The following IL1RAPL2 variants were observed in gnomAD, a reference collection of about 807,000 sequenced individuals.
IL1RAPL2 encodes the protein X-linked interleukin-1 receptor accessory protein-like 2.
Under a neutral mutation model 44.1 loss-of-function variants are expected in IL1RAPL2, and 3 were observed. That is an observed-to-expected ratio of 0.07 (90% CI 0.03 to 0.18). The LOEUF (loss-of-function observed/expected upper bound fraction) is 0.18. Ranked by LOEUF, IL1RAPL2 falls within the 10% of genes least tolerant of loss-of-function variation. The pLI, the probability that IL1RAPL2 is intolerant of heterozygous loss-of-function variation, is 1.00. For missense variants in IL1RAPL2, 391 were observed against 496.4 expected (o/e 0.79, Z 2.02); for synonymous variants, 181 against 178.8 (o/e 1.01, Z -0.10).
chrX:105,052,915 T>A (rs1344328700), intron 2 of IL1RAPL2, among the ~76,000 whole-genome samples: 1 of 110,769 alleles, frequency 9.0e-6, no homozygotes, highest in Non-Finnish European at 1.9e-5. Context: ...GTTGTTCCCC[T>A]CTCTGTGTCC....
chrX:105,109,823 G>C (rs1361224523), intron 2 of IL1RAPL2, among the ~76,000 whole-genome samples: 1 of 112,309 alleles, frequency 8.9e-6, no homozygotes, highest in Non-Finnish European at 1.9e-5. Flanking sequence ...ATCTGACAAC[G>C]TAGAAAAATG....
chrX:104,666,991 C>CT (rs1930497258), intron 2 of IL1RAPL2, among the ~76,000 whole-genome samples: 1 of 111,439 alleles, frequency 9.0e-6, no homozygotes, highest in South Asian at 3.8e-4. Flanking sequence ...TTTTGTGAGG[C>CT]TTGCACCAGG....
intron 5 of IL1RAPL2, among the ~76,000 whole-genome samples, chrX:105,474,021 CTA>C (rs2036181927): frequency 9.0e-6 from 1 of 111,353 alleles, no homozygotes. Flanking sequence ...ATGGTAGGTT[CTA>C]TAGCAAAGTC....
At chrX:105,500,480 T>A (rs2036386442) in intron 6 of IL1RAPL2, among the ~76,000 whole-genome samples, 2 of 111,504 alleles carry the variant, frequency 1.8e-5, no homozygotes, top group East Asian at 2.8e-4. Context: ...TGCTTAGAGA[T>A]CTTCCTGCTT....
At chrX:105,199,115 C>G in intron 3 of IL1RAPL2, among the ~76,000 whole-genome samples, 1 of 111,245 alleles carries the variant, frequency 9.0e-6, no homozygotes, top group Non-Finnish European at 1.9e-5. Context: ...TTGTCTCTCC[C>G]TTTCCCCACT....
intron 2 of IL1RAPL2, among the ~76,000 whole-genome samples, chrX:104,698,600 T>C (rs1389330051): frequency 1.8e-5 from 2 of 112,130 alleles, no homozygotes; most frequent in African/African-American, 6.5e-5. Context: ...ATTTCTTCGA[T>C]CATTTCAATC....
At chrX:105,601,685 C>T (rs1437813929) in intron 6 of IL1RAPL2, among the ~76,000 whole-genome samples, 1 of 110,894 alleles carries the variant, frequency 9.0e-6, no homozygotes, top group Non-Finnish European at 1.9e-5. Flanking sequence ...ATTAAGTCCC[C>T]TCTCAGCCCC....
chrX:105,632,138 A>G (rs2037495992), intron 6 of IL1RAPL2, among the ~76,000 whole-genome samples: 1 of 110,794 alleles, frequency 9.0e-6, no homozygotes, highest in Non-Finnish European at 1.9e-5. Flanking sequence ...ACAAAAAACT[A>G]AAGAAGACAC....
chrX:104,636,620 G>A (rs752741559), intron 1 of IL1RAPL2, among the ~76,000 whole-genome samples: 7 of 112,003 alleles, frequency 6.2e-5, no homozygotes, highest in African/African-American at 9.7e-5. Flanking sequence ...GTGAGGCTTC[G>A]TGGGCGTAGG....
At chrX:105,008,847 A>C (rs1184871008) in intron 2 of IL1RAPL2, among the ~76,000 whole-genome samples, 1 of 111,765 alleles carries the variant, frequency 8.9e-6, no homozygotes, top group East Asian at 2.8e-4. Context: ...TTTGCAATCT[A>C]CCCATCTGAC....
chrX:105,233,792 A>T, intron 3 of IL1RAPL2, 26 bp from the exon 4 acceptor site: 1 of 1,158,009 alleles, frequency 8.6e-7, no homozygotes, highest in Non-Finnish European at 1.2e-6. Flanking sequence ...CAATAAAGCC[A>T]TTTTGTTATT....
At chrX:104,816,434 C>G (rs1455013054) in intron 2 of IL1RAPL2, among the ~76,000 whole-genome samples, 2 of 112,181 alleles carry the variant, frequency 1.8e-5, no homozygotes, top group East Asian at 2.8e-4. Flanking sequence ...GTGAGCCCTT[C>G]AGACAAAATG....
intron 2 of IL1RAPL2, among the ~76,000 whole-genome samples, chrX:105,074,803 A>G (rs1350449467): frequency 2.7e-5 from 3 of 109,210 alleles, no homozygotes; most frequent in Non-Finnish European, 5.7e-5. Context: ...CTTTGAAGCA[A>G]TTGTGAGTGG....
At chrX:104,677,002 AT>A (rs1245675602) in intron 2 of IL1RAPL2, among the ~76,000 whole-genome samples, 2 of 110,409 alleles carry the variant, frequency 1.8e-5, no homozygotes, top group African/African-American at 6.6e-5. Context: ...TATATTCAAA[AT>A]TTTTTTCAAA....
intron 2 of IL1RAPL2, among the ~76,000 whole-genome samples, chrX:105,010,500 A>G (rs1374891032): frequency 8.9e-6 from 1 of 111,960 alleles, no homozygotes; most frequent in Non-Finnish European, 1.9e-5. Flanking sequence ...AATAGAAGAA[A>G]TAGAATGTCA....
At chrX:104,948,295 T>C (rs1016864009) in intron 2 of IL1RAPL2, among the ~76,000 whole-genome samples, 1 of 109,759 alleles carries the variant, frequency 9.1e-6, no homozygotes, top group Non-Finnish European at 1.9e-5. Flanking sequence ...TGAATTTGCT[T>C]ATCAGCTTGA....
chrX:105,495,695 G>T (rs1008847957), intron 6 of IL1RAPL2, among the ~76,000 whole-genome samples: 21 of 111,205 alleles, frequency 1.9e-4, no homozygotes, highest in Non-Finnish European at 3.6e-4. Flanking sequence ...GTTGGCAAAA[G>T]AACAAAAATA....
At chrX:104,838,706 AC>A (rs1235000433) in intron 2 of IL1RAPL2, among the ~76,000 whole-genome samples, 1 of 110,081 alleles carries the variant, frequency 9.1e-6, no homozygotes, top group Non-Finnish European at 1.9e-5. Context: ...CTATTCGCAT[AC>A]CCTTTATTTC....
chrX:105,003,569 T>C (rs1221462767), intron 2 of IL1RAPL2, among the ~76,000 whole-genome samples: 1 of 111,133 alleles, frequency 9.0e-6, no homozygotes, highest in Non-Finnish European at 1.9e-5. Flanking sequence ...CCTCTGTGTA[T>C]TTTTGCATAA....
Sources: allele counts gnomAD v4.1 joint callset (sites outside exome capture counted in the v4.1 genomes callset), GRCh38; gene constraint gnomAD v4.1.1; transcripts MANE v1.5; gene names NCBI Gene and HGNC (gene_info 2026-07-23, HGNC 2026-07-21).